Variants in PVT1 observed in about 807,000 individuals in gnomAD.
PVT1 encodes CXCR4/PVT1 fusion.
chr8:127,864,498 T>G (rs1815265102), intron 2 of PVT1, among the ~76,000 whole-genome samples: 1 of 152,196 alleles, frequency 6.6e-6, no homozygotes, highest in Non-Finnish European at 1.5e-5. Flanking sequence ...CCTTCTCTTA[T>G]TCTTTTCCTG....
At chr8:128,079,821 T>A (rs1313199054) in intron 5 of PVT1, among the ~76,000 whole-genome samples, 4 of 151,926 alleles carry the variant, frequency 2.6e-5, no homozygotes, top group African/African-American at 9.7e-5. Context: ...GCCTCCTGGG[T>A]TCAAGCAATT....
At chr8:127,847,459 T>C (rs1815048484) in intron 2 of PVT1, among the ~76,000 whole-genome samples, 1 of 152,212 alleles carries the variant, frequency 6.6e-6, no homozygotes, top group Non-Finnish European at 1.5e-5. Context: ...GGCCATCTCA[T>C]GTTGGGACAT....
intron 3 of PVT1, among the ~76,000 whole-genome samples, chr8:127,906,851 A>C (rs553596960): frequency 6.6e-6 from 1 of 152,184 alleles, no homozygotes; most frequent in South Asian, 2.1e-4. Context: ...TGTAAATGTC[A>C]TATCACCTTC....
intron 3 of PVT1, among the ~76,000 whole-genome samples, chr8:127,967,549 G>C (rs1816716981): frequency 6.6e-6 from 1 of 152,220 alleles, no homozygotes; most frequent in African/African-American, 2.4e-5. Context: ...GCTTCTGCCT[G>C]GCATCTACCA....
At chr8:127,858,159 G>A (rs1336493358) in intron 2 of PVT1, among the ~76,000 whole-genome samples, 1 of 152,194 alleles carries the variant, frequency 6.6e-6, no homozygotes, top group Non-Finnish European at 1.5e-5. Flanking sequence ...GGGAGGCCAA[G>A]GCGGCTGGAT....
chr8:127,870,984 C>G (rs1023131603), intron 2 of PVT1, among the ~76,000 whole-genome samples: 3 of 152,216 alleles, frequency 2.0e-5, no homozygotes, highest in Admixed American at 2.0e-4. Flanking sequence ...TCCTCTCTGT[C>G]CAGTGACTAG....
In PVT1 at chr8:127,822,352, C is replaced by T. The variant is rs181008617; in HGVS notation, n.372+26281C>T. Among the ~76,000 whole-genome samples, 152 of 152,230 alleles carry T rather than the reference C, an allele frequency of 1.0e-3. 1 individual carries two copies. Among genetic ancestry groups the T allele is most frequent in the African/African-American group, 3.4e-3 (140 of 41,546 alleles). On this transcript the variant is annotated intron_variant and non_coding_transcript_variant, in intron 2 of 10. Transcript: ENST00000651587. ...CAGCACTTTGGGAGGCCAAGACGAG[C>T]GGATAGTTGAGATCAGAAGTTCTTG... is the stretch of plus-strand genomic sequence containing the variant.
intron 3 of PVT1, among the ~76,000 whole-genome samples, chr8:127,895,438 T>C (rs1026371416): frequency 2.0e-5 from 3 of 152,116 alleles, no homozygotes; most frequent in African/African-American, 7.2e-5. Flanking sequence ...ACCACTGCAC[T>C]CCAGCCTGCG....
chr8:127,968,486 G>C (rs1017164542), intron 3 of PVT1, among the ~76,000 whole-genome samples: 2 of 152,154 alleles, frequency 1.3e-5, no homozygotes, highest in African/African-American at 4.8e-5. Context: ...GATGAGGTCA[G>C]CACATGAAGC....
At chr8:127,922,059 C>T (rs916638003) in intron 3 of PVT1, among the ~76,000 whole-genome samples, 1 of 151,518 alleles carries the variant, frequency 6.6e-6, no homozygotes, top group Non-Finnish European at 1.5e-5. Context: ...CGGTGTTTCA[C>T]CATATTGGTC....
chr8:128,050,130 A>G (rs1813671440), intron 4 of PVT1, among the ~76,000 whole-genome samples: 1 of 152,126 alleles, frequency 6.6e-6, no homozygotes, highest in Admixed American at 6.5e-5. Context: ...CAATCATAAG[A>G]AGAGGAAGGA....
rs1554606714 is a variant in PVT1, at chr8:128,043,803, C to CACACACACACACACAT, written n.913-26356_913-26355insCACACACACACACATA. ...ACACACACACACACACACACACACACATACACAAGGAGGCCAAACATCTTG... is the reference window on the plus strand; with the variant it reads ...ACACACACACACACACACACACACACACACACACACACACATATACACAAGGAGGCCAAACATCTTG... On this transcript the variant is annotated intron_variant and non_coding_transcript_variant, in intron 4 of 10. Coordinates refer to ENST00000651587, the Ensembl canonical transcript of PVT1. Among the ~76,000 whole-genome samples, 271 of 142,484 alleles carry CACACACACACACACAT rather than the reference C, an allele frequency of 1.9e-3. 3 individuals are homozygous for CACACACACACACACAT. The highest frequency in any genetic ancestry group is 6.8e-3 in the African/African-American group (258 of 37,774). 93.5% of individuals were successfully genotyped at this position (142,484 alleles called of 152,430 possible).
chr8:127,823,559 C>T (rs1179109984), intron 2 of PVT1, among the ~76,000 whole-genome samples: 1 of 152,144 alleles, frequency 6.6e-6, no homozygotes, highest in Non-Finnish European at 1.5e-5. Flanking sequence ...AAAGAATAAG[C>T]TCATGTTGCT....
At chr8:127,932,248 A>G (rs1816215191) in intron 3 of PVT1, among the ~76,000 whole-genome samples, 1 of 152,158 alleles carries the variant, frequency 6.6e-6, no homozygotes, top group Non-Finnish European at 1.5e-5. Flanking sequence ...GATTAGCCTC[A>G]AGGAGGCAGG....
chr8:128,095,658 G>A (rs999181883), intron 5 of PVT1, among the ~76,000 whole-genome samples: 3 of 152,294 alleles, frequency 2.0e-5, no homozygotes, highest in Admixed American at 6.5e-5. Flanking sequence ...GTGCCCTGCC[G>A]AGCCTAAAAT....
At chr8:127,966,465 A>G (rs750801003) in intron 3 of PVT1, among the ~76,000 whole-genome samples, 8 of 152,316 alleles carry the variant, frequency 5.3e-5, no homozygotes, top group Middle Eastern at 3.4e-3. Flanking sequence ...GTTTTCCACT[A>G]TACCTCTAGG....
chr8:127,840,195 G>A (rs1814958589), intron 2 of PVT1, among the ~76,000 whole-genome samples: 1 of 152,188 alleles, frequency 6.6e-6, no homozygotes, highest in African/African-American at 2.4e-5. Flanking sequence ...GAGGGTTTGA[G>A]CAGATGTGTG....
chr8:128,009,848 T>C (rs1041511408), intron 4 of PVT1: 1 of 152,214 alleles, frequency 6.6e-6, no homozygotes, highest in African/African-American at 2.4e-5. Context: ...ACTGGATATT[T>C]TGGCACGCAA....
intron 2 of PVT1, among the ~76,000 whole-genome samples, chr8:127,799,432 G>T (rs77602520): frequency 6.6e-6 from 1 of 152,158 alleles, no homozygotes; most frequent in Non-Finnish European, 1.5e-5. Context: ...AATAAAGAAA[G>T]AACTGCTTTG....
Sources: allele counts gnomAD v4.1 joint callset (sites outside exome capture counted in the v4.1 genomes callset), GRCh38; gene constraint gnomAD v4.1.1; transcripts MANE v1.5; gene names NCBI Gene and HGNC (gene_info 2026-07-23, HGNC 2026-07-21).